MAF: variants seen among roughly 807,000 people sequenced by gnomAD.
MAF encodes the protein transcription factor Maf.
Under a neutral mutation model 22.0 loss-of-function variants are expected in MAF, and 10 were observed. The observed-to-expected ratio is 0.45, with a 90% CI of 0.28 to 0.77. MAF has a LOEUF of 0.77. Among genes scored for constraint, MAF ranks in the 30% least tolerant of loss-of-function variants. The pLI is 0.12. For missense variants in MAF, 544 were observed against 548.4 expected (o/e 0.99, Z 0.08); for synonymous variants, 337 against 255.8 (o/e 1.32, Z -3.03).
the MAF span, among the ~76,000 whole-genome samples, chr16:79,376,897 C>A: frequency 1.1e-4 from 16 of 152,304 alleles, no homozygotes; most frequent in Admixed American, 3.3e-4. Context: ...TGTATATATG[C>A]CACATTTTCT....
chr16:79,376,815 T>C, the MAF span, among the ~76,000 whole-genome samples: 11 of 152,342 alleles, frequency 7.2e-5, no homozygotes, highest in Middle Eastern at 6.8e-3. Context: ...AGAATGATGG[T>C]TTCCAGCTTC....
At chr16:79,237,052 G>C in the MAF span, among the ~76,000 whole-genome samples, 7 of 151,922 alleles carry the variant, frequency 4.6e-5, no homozygotes, top group African/African-American at 1.7e-4. Flanking sequence ...TGGATTGCCA[G>C]AGTGTGCCTT....
the MAF span, among the ~76,000 whole-genome samples, chr16:79,574,320 T>A: frequency 6.6e-6 from 1 of 152,210 alleles, no homozygotes; most frequent in Non-Finnish European, 1.5e-5. Context: ...AGTAAATAAG[T>A]GTCTGATGAT....
At chr16:79,205,872 T>C in the MAF span, 1 of 152,156 alleles carries the variant, frequency 6.6e-6, no homozygotes, top group Non-Finnish European at 1.5e-5. Context: ...AGCCCGCACC[T>C]ACATGCGTGG....
the MAF span, among the ~76,000 whole-genome samples, chr16:79,532,611 G>T: frequency 9.9e-5 from 15 of 152,182 alleles, no homozygotes; most frequent in African/African-American, 3.6e-4. Flanking sequence ...TTGAAATAAA[G>T]TATTCTAATC....
chr16:79,299,565 C>T, the MAF span, among the ~76,000 whole-genome samples: 36 of 152,172 alleles, frequency 2.4e-4, no homozygotes, highest in East Asian at 5.8e-3. Flanking sequence ...AGAGTTATTT[C>T]CGGTGGGTCT....
At chr16:79,257,541 T>C in the MAF span, among the ~76,000 whole-genome samples, 1 of 152,078 alleles carries the variant, frequency 6.6e-6, no homozygotes, top group South Asian at 2.1e-4. Flanking sequence ...GGGCAGTGGG[T>C]CATGGTGAGT....
At chr16:79,432,093 G>C in the MAF span, among the ~76,000 whole-genome samples, 1 of 152,152 alleles carries the variant, frequency 6.6e-6, no homozygotes, top group Non-Finnish European at 1.5e-5. Context: ...TCAAGGGCGG[G>C]ACTAGGTGGA....
chr16:79,340,620 A>G, the MAF span, among the ~76,000 whole-genome samples: 11 of 151,882 alleles, frequency 7.2e-5, no homozygotes, highest in African/African-American at 2.7e-4. Flanking sequence ...TAAATCTCAG[A>G]CAACTTTATA....
the MAF span, among the ~76,000 whole-genome samples, chr16:79,463,850 G>T: frequency 2.6e-5 from 4 of 151,466 alleles, no homozygotes. Context: ...TTCTAATTTA[G>T]TTGTTTTTTG....
the MAF span, chr16:79,203,738 A>T: frequency 6.6e-6 from 1 of 152,168 alleles, no homozygotes; most frequent in African/African-American, 2.4e-5. Context: ...TGTTTGTTTT[A>T]CCTGTAGTAT....
chr16:79,465,337 A>C, the MAF span, among the ~76,000 whole-genome samples: 2 of 152,232 alleles, frequency 1.3e-5, no homozygotes, highest in African/African-American at 4.8e-5. Context: ...TTATGCCTGT[A>C]ATCCCAGCAC....
At chr16:79,267,975 G>A in the MAF span, among the ~76,000 whole-genome samples, 3 of 152,138 alleles carry the variant, frequency 2.0e-5, no homozygotes, top group African/African-American at 7.2e-5. Flanking sequence ...CCGGCTTGTG[G>A]GACTTAATCA....
At chr16:79,558,961 G>T in the MAF span, among the ~76,000 whole-genome samples, 2 of 152,176 alleles carry the variant, frequency 1.3e-5, no homozygotes, top group Non-Finnish European at 2.9e-5. Context: ...CTGGGCACAT[G>T]CATTTCTTTT....
At chr16:79,352,335 C>A in the MAF span, among the ~76,000 whole-genome samples, 3 of 152,102 alleles carry the variant, frequency 2.0e-5, no homozygotes, top group Admixed American at 2.0e-4. Flanking sequence ...AGAGGGTGCT[C>A]TGGGGCACTT....
intron 1 of MAF, among the ~76,000 whole-genome samples, chr16:79,588,762 A>G (rs566365963): frequency 4.0e-4 from 61 of 152,290 alleles, no homozygotes; most frequent in African/African-American, 1.5e-3. Context: ...ACACCGGGCC[A>G]GATTTATCTT....
chr16:79,242,084 A>G, the MAF span, among the ~76,000 whole-genome samples: 1 of 152,082 alleles, frequency 6.6e-6, no homozygotes, highest in African/African-American at 2.4e-5. Context: ...GTCAATGCAA[A>G]AACATACCAA....
At chr16:79,483,986 G>C in the MAF span, among the ~76,000 whole-genome samples, 1 of 152,170 alleles carries the variant, frequency 6.6e-6, no homozygotes, top group Non-Finnish European at 1.5e-5. Context: ...GGTAGGGATG[G>C]AAAAAGTGTG....
At chr16:79,554,090 A>AAAACAAACAAAC in the MAF span, among the ~76,000 whole-genome samples, 3 of 121,022 alleles carry the variant, frequency 2.5e-5, no homozygotes, top group African/African-American at 5.8e-5. Flanking sequence ...CTGCCTCTCA[A>AAAACAAACAAAC]AAACAAACAA....
Sources: gnomAD v4.1 joint callset for allele counts (sites outside exome capture counted in the v4.1 genomes callset) on GRCh38, gnomAD v4.1.1 for gene constraint, MANE v1.5 for transcripts, NCBI Gene and HGNC (gene_info 2026-07-23, HGNC 2026-07-21) for gene names.